The following GALNT13 variants were observed in gnomAD, a reference collection of about 807,000 sequenced individuals.
GALNT13 encodes the protein polypeptide N-acetylgalactosaminyltransferase 13.
Under a neutral mutation model 64.2 loss-of-function variants are expected in GALNT13, and 28 were observed. That is an observed-to-expected ratio of 0.44 (90% CI 0.32 to 0.60). The LOEUF is 0.60. Ranked by LOEUF, GALNT13 falls within the 20% of genes least tolerant of loss-of-function variation. GALNT13 has a pLI of 0.05. For synonymous variants in GALNT13, 214 were observed against 224.6 expected (o/e 0.95, Z 0.42); for missense variants, 577 against 669.8 (o/e 0.86, Z 1.53).
At chr2:154,214,690 C>T (rs538341658) in intron 4 of GALNT13, among the ~76,000 whole-genome samples, 2 of 152,298 alleles carry the variant, frequency 1.3e-5, no homozygotes, top group South Asian at 4.1e-4. Flanking sequence ...TGAAGAAGGA[C>T]ATGTTTGCTT....
At chr2:153,232,934 G>T in the GALNT13 span, among the ~76,000 whole-genome samples, 4 of 152,120 alleles carry the variant, frequency 2.6e-5, no homozygotes, top group African/African-American at 9.7e-5. Flanking sequence ...CTTTGAAAAA[G>T]ATGCTTATAA....
At chr2:153,377,012 C>A in the GALNT13 span, among the ~76,000 whole-genome samples, 25 of 152,132 alleles carry the variant, frequency 1.6e-4, no homozygotes, top group South Asian at 4.8e-3. Flanking sequence ...GTCCATAGTA[C>A]CTCAGTGTAT....
chr2:153,812,738 C>A, the GALNT13 span, among the ~76,000 whole-genome samples: 1 of 152,044 alleles, frequency 6.6e-6, no homozygotes, highest in South Asian at 2.1e-4. Flanking sequence ...GGAAAGGATA[C>A]CCAGAGCTTT....
the GALNT13 span, among the ~76,000 whole-genome samples, chr2:153,633,438 G>A: frequency 1.3e-5 from 2 of 152,052 alleles, no homozygotes; most frequent in Non-Finnish European, 1.5e-5. Flanking sequence ...TAATAAACTT[G>A]AGCAAATATT....
At chr2:153,963,430 A>AAAATACC (rs1383435387) in intron 3 of GALNT13, among the ~76,000 whole-genome samples, 1 of 152,182 alleles carries the variant, frequency 6.6e-6, no homozygotes, top group Non-Finnish European at 1.5e-5. Flanking sequence ...AACTCTTGGG[A>AAAATACC]AAATACCAAA....
At chr2:154,273,313 G>A (rs1445836832) in intron 8 of GALNT13, among the ~76,000 whole-genome samples, 1 of 152,052 alleles carries the variant, frequency 6.6e-6, no homozygotes, top group African/African-American at 2.4e-5. Context: ...GGATTTGCAG[G>A]GGGGAACATT....
chr2:154,073,707 G>A (rs1380892532), intron 3 of GALNT13, among the ~76,000 whole-genome samples: 1 of 151,830 alleles, frequency 6.6e-6, no homozygotes, highest in African/African-American at 2.4e-5. Flanking sequence ...AATATTCATT[G>A]TCAGGGCTTT....
chr2:153,367,964 T>G, the GALNT13 span, among the ~76,000 whole-genome samples: 1 of 151,852 alleles, frequency 6.6e-6, no homozygotes, highest in Admixed American at 6.6e-5. Context: ...ACCATATAAA[T>G]AGTAACATAA....
the GALNT13 span, among the ~76,000 whole-genome samples, chr2:153,649,759 A>G: frequency 6.6e-6 from 1 of 152,108 alleles, no homozygotes; most frequent in Non-Finnish European, 1.5e-5. Flanking sequence ...TTCAGTTTCC[A>G]TATAGTTGAG....
chr2:154,278,332 C>T (rs904151729), intron 8 of GALNT13, among the ~76,000 whole-genome samples: 1 of 152,126 alleles, frequency 6.6e-6, no homozygotes, highest in African/African-American at 2.4e-5. Flanking sequence ...TCTGACCCTA[C>T]AAGAGAAGAC....
the GALNT13 span, among the ~76,000 whole-genome samples, chr2:153,316,168 C>G: frequency 6.6e-6 from 1 of 151,820 alleles, no homozygotes; most frequent in Non-Finnish European, 1.5e-5. Flanking sequence ...CAATCTCAAG[C>G]ATTGATGAGG....
At chr2:153,630,798 TATATATA>T in the GALNT13 span, among the ~76,000 whole-genome samples, 10 of 13,488 alleles carry the variant, frequency 7.4e-4, no homozygotes, top group East Asian at 2.6e-3. Flanking sequence ...TATATATATA[TATATATA>T]TATTTTTTTT....
intron 8 of GALNT13, 137 bp from the exon 9 acceptor site, chr2:154,301,272 G>A: frequency 1.5e-6 from 1 of 679,368 alleles, no homozygotes; most frequent in Non-Finnish European, 2.5e-6. Context: ...CCAAAAGTAA[G>A]TATAGTGTAC....
chr2:153,754,018 C>T, the GALNT13 span, among the ~76,000 whole-genome samples: 1 of 152,356 alleles, frequency 6.6e-6, no homozygotes, highest in East Asian at 1.9e-4. Context: ...TGTAAGACTA[C>T]CATCAATGTT....
intron 9 of GALNT13, among the ~76,000 whole-genome samples, chr2:154,383,228 A>G (rs769475685): frequency 2.6e-5 from 4 of 151,978 alleles, no homozygotes; most frequent in Non-Finnish European, 5.9e-5. Context: ...CAAGAAAACA[A>G]CAGACATAAT....
intron 8 of GALNT13, among the ~76,000 whole-genome samples, chr2:154,295,001 T>G (rs1692836196): frequency 6.6e-6 from 1 of 152,162 alleles, no homozygotes; most frequent in Non-Finnish European, 1.5e-5. Flanking sequence ...TGGAGTATTA[T>G]GTTCAGAGCC....
chr2:153,925,664 C>T (rs980528889), intron 2 of GALNT13, among the ~76,000 whole-genome samples: 3 of 151,920 alleles, frequency 2.0e-5, no homozygotes, highest in Admixed American at 1.3e-4. Context: ...ACCATTTTCA[C>T]GATATTGATT....
the GALNT13 span, among the ~76,000 whole-genome samples, chr2:153,389,960 C>T: frequency 2.5e-4 from 38 of 152,130 alleles, no homozygotes; most frequent in East Asian, 4.3e-3. Flanking sequence ...CCCATTACTG[C>T]GTATATACCC....
At chr2:153,853,675 A>C in the GALNT13 span, among the ~76,000 whole-genome samples, 1 of 151,282 alleles carries the variant, frequency 6.6e-6, no homozygotes, top group African/African-American at 2.4e-5. Flanking sequence ...TGATTCAATT[A>C]TATAAATATA....
Sources: gnomAD v4.1 joint callset for allele counts (sites outside exome capture counted in the v4.1 genomes callset) on GRCh38, gnomAD v4.1.1 for gene constraint, MANE v1.5 for transcripts, NCBI Gene and HGNC (gene_info 2026-07-23, HGNC 2026-07-21) for gene names.